Variants in SOX5 observed in about 807,000 individuals in gnomAD.
The protein encoded by SOX5 is transcription factor SOX-5.
SOX5 carries 9 observed loss-of-function variants against 92.0 expected under a neutral mutation model. That is an observed-to-expected ratio of 0.10 (90% confidence interval 0.06 to 0.17). The LOEUF is 0.17. Among genes scored for constraint, SOX5 ranks in the 10% least tolerant of loss-of-function variants. The probability of loss-of-function intolerance (pLI) is 1.00; values close to 1 mark genes in which losing one functional copy is unlikely to be tolerated. For missense variants in SOX5, 642 were observed against 944.5 expected, an observed-to-expected ratio of 0.68 and a Z score of 4.20; for synonymous variants, 344 against 336.3, an observed-to-expected ratio of 1.02 and a Z score of -0.25.
intron 4 of SOX5, among the ~76,000 whole-genome samples, chr12:24,051,536 T>C (rs1957563823): frequency 6.6e-6 from 1 of 152,172 alleles, no homozygotes; most frequent in African/African-American, 2.4e-5. Context: ...GAAGAGCTAG[T>C]TCAATATAAA....
rs1476150856 is a variant in SOX5 at position 24,161,708 on chromosome 12, TTTAAA to T, written c.-2+51630_-2+51634del. ...ACAATTTAAAAGTCATGGCTCATAATTTAAATTGTCATCCATAAAACTGATAAAGA... is the reference window on the plus strand; with the variant it reads ...ACAATTTAAAAGTCATGGCTCATAATTTGTCATCCATAAAACTGATAAAGA... On this transcript the variant is annotated intron_variant, in intron 4 of 4. Coordinates refer to the SOX5 transcript ENST00000446891. Among the ~76,000 whole-genome samples the T allele has an allele frequency of 7.9e-5, 12 of 152,186 alleles. No homozygotes were observed. In the South Asian group the frequency reaches 1.0e-3, roughly 13 times the overall value.
chr12:24,539,268 A>AT (rs1951907089), intron 1 of SOX5, among the ~76,000 whole-genome samples: 2 of 152,210 alleles, frequency 1.3e-5, no homozygotes. Context: ...AAGAAAAAAA[A>AT]CAACTGGGTA....
intron 2 of SOX5, among the ~76,000 whole-genome samples, chr12:23,860,507 T>C (rs976857139): frequency 1.3e-5 from 2 of 152,116 alleles, no homozygotes; most frequent in East Asian, 3.9e-4. Context: ...TTAAATAGAA[T>C]TGGTATGTCT....
chr12:24,368,194 T>G (rs1247441882), intron 2 of SOX5: 4 of 152,184 alleles, frequency 2.6e-5, no homozygotes, highest in African/African-American at 9.6e-5. Flanking sequence ...ATGTTTTATG[T>G]GTGAAGAAGA....
chr12:24,426,109 T>C (rs974267916), intron 1 of SOX5, among the ~76,000 whole-genome samples: 1 of 151,132 alleles, frequency 6.6e-6, no homozygotes, highest in Non-Finnish European at 1.5e-5. Context: ...CCAAGGCGGG[T>C]GGATCACTTG....
At chr12:24,202,688 A>G (rs1957638450) in intron 4 of SOX5, among the ~76,000 whole-genome samples, 1 of 152,160 alleles carries the variant, frequency 6.6e-6, no homozygotes, top group Admixed American at 6.5e-5. Flanking sequence ...ATTTTGTAGT[A>G]TGTCCCTTTT....
At chr12:23,821,187 T>A (rs1177427965) in intron 3 of SOX5, among the ~76,000 whole-genome samples, 1 of 152,204 alleles carries the variant, frequency 6.6e-6, no homozygotes, top group African/African-American at 2.4e-5. Context: ...TTTGTAGCAA[T>A]TGTGAATGGG....
intron 9 of SOX5, among the ~76,000 whole-genome samples, chr12:23,582,475 C>T (rs908372577): frequency 2.2e-4 from 33 of 152,088 alleles, no homozygotes; most frequent in African/African-American, 7.2e-4. Context: ...ATCCTACTCG[C>T]GTAGCCATCC....
intron 2 of SOX5, among the ~76,000 whole-genome samples, chr12:24,349,893 TCC>T (rs769016474): frequency 7.9e-5 from 12 of 152,330 alleles, no homozygotes; most frequent in Admixed American, 2.0e-4. Flanking sequence ...CATTTTACAT[TCC>T]CACCCACAGT....
chr12:23,531,549 G>A lies in SOX5; in HGVS notation c.*2670C>T, dbSNP rs1939086099. 1 of 152,070 alleles carries A rather than the reference G, an allele frequency of 6.6e-6. No individual in the cohort carries two copies. The highest frequency in any genetic ancestry group is 6.6e-5 in the Admixed American group (1 of 15,266). The allele number at this position is 152,070 out of a possible 1,614,324, so 9.4% of individuals were successfully genotyped here. ...AAGTAAGTATCCAGCAAACGTGAGA[G>A]GTGAACCCACATAAATCGGAAGGAA... is the stretch of plus-strand genomic sequence containing the variant. On this transcript the variant is annotated 3_prime_UTR_variant, in exon 15 of 15. Coordinates refer to ENST00000451604, the MANE Select transcript of SOX5 (RefSeq NM_006940.6).
At chr12:23,860,235 C>G (rs576112434) in intron 2 of SOX5, among the ~76,000 whole-genome samples, 1 of 151,618 alleles carries the variant, frequency 6.6e-6, no homozygotes, top group Admixed American at 6.6e-5. Flanking sequence ...ATATGTACAA[C>G]AAACCTCCAT....
intron 3 of SOX5, among the ~76,000 whole-genome samples, chr12:24,247,028 T>A (rs1313344400): frequency 6.6e-6 from 1 of 152,202 alleles, no homozygotes; most frequent in Non-Finnish European, 1.5e-5. Flanking sequence ...CAAGCCTGTT[T>A]CTTAAGAGAA....
At chr12:23,681,833 A>G (rs2086675137) in intron 6 of SOX5, among the ~76,000 whole-genome samples, 1 of 151,842 alleles carries the variant, frequency 6.6e-6, no homozygotes, top group African/African-American at 2.4e-5. Context: ...CATTTATATG[A>G]ACATGAAATA....
chr12:23,779,587 G>T (rs1039275403), intron 3 of SOX5, among the ~76,000 whole-genome samples: 3 of 151,278 alleles, frequency 2.0e-5, no homozygotes. Flanking sequence ...TTTAAAAACT[G>T]TTCCTAGTCC....
chr12:24,207,719 G>T lies in SOX5; in HGVS notation c.-2+5624C>A, dbSNP rs141729396. 5.5e-3 allele frequency among the ~76,000 whole-genome samples: 844 copies of T among 152,234 alleles called. 9 individuals carry two copies. Among genetic ancestry groups the T allele is most frequent in the African/African-American group, 0.019 (800 of 41,558 alleles). ...GTTTCTTCTATTTCCACTATTCCAT[G>T]CGATCTTCAAAATTCTACATGGCAT... On this transcript the variant is annotated intron_variant, in intron 4 of 4. Transcript: ENST00000446891.
intron 3 of SOX5, among the ~76,000 whole-genome samples, chr12:23,779,784 T>C (rs1458981412): frequency 1.9e-5 from 2 of 106,596 alleles, no homozygotes; most frequent in Admixed American, 2.0e-4. Flanking sequence ...ATTTCACAGA[T>C]TAAAATATAT....
In SOX5 at chr12:23,999,865, A is replaced by G. The variant is rs575041879; in HGVS notation, c.-1-103841T>C. On this transcript the variant is annotated intron_variant, in intron 4 of 4. Transcript: ENST00000446891. ...ACTGTTATATTGCTATACCTTCCTT[A>G]TAATAAATACTAAAGAAAGTCCTTT... Among the ~76,000 whole-genome samples the G allele has an allele frequency of 1.2e-4, 18 of 152,060 alleles. No individual in the cohort carries two copies. In the South Asian group the frequency reaches 3.1e-3, roughly 26 times the overall value.
intron 1 of SOX5, among the ~76,000 whole-genome samples, chr12:24,424,851 A>G (rs1216142499): frequency 1.4e-5 from 2 of 147,452 alleles, no homozygotes; most frequent in African/African-American, 5.1e-5. Context: ...CCACATTGTA[A>G]TACACACACA....
In SOX5 at chr12:23,588,485, C is replaced by T. The variant is rs548677103; in HGVS notation, c.1165-12647G>A. Among the ~76,000 whole-genome samples the T allele has an allele frequency of 2.6e-5, 4 of 151,960 alleles. No homozygotes were observed. In the South Asian group the frequency reaches 6.2e-4, roughly 24 times the overall value. ...GCTGTAATGCTCGTTTAATTTTTCC[C>T]AGCCCATAACATTAAAAGAATAATA... On this transcript the variant is annotated intron_variant, in intron 9 of 14. Transcript: ENST00000451604.
Sources: allele counts gnomAD v4.1 joint callset (sites outside exome capture counted in the v4.1 genomes callset), GRCh38; gene constraint gnomAD v4.1.1; transcripts MANE v1.5; gene names NCBI Gene and HGNC (gene_info 2026-07-23, HGNC 2026-07-21).